Variants in RREB1 observed in about 807,000 individuals in gnomAD.
RREB1 encodes ras-responsive element-binding protein 1.
RREB1 carries 27 observed loss-of-function variants against 117.8 expected under a neutral mutation model. That is an observed-to-expected ratio of 0.23 (90% confidence interval 0.17 to 0.32). The LOEUF is 0.32. Among genes scored for constraint, RREB1 ranks in the 10% least tolerant of loss-of-function variants. The probability of loss-of-function intolerance (pLI) is 1.00; values close to 1 mark genes in which losing one functional copy is unlikely to be tolerated. For synonymous variants in RREB1, 1,298 were observed against 1,026.7 expected (o/e 1.26, Z -5.05); for missense variants, 2,577 against 2,378.2 (o/e 1.08, Z -1.74).
chr6:7,176,358 C>G (rs1385908874), intron 1 of RREB1, among the ~76,000 whole-genome samples: 2 of 152,222 alleles, frequency 1.3e-5, no homozygotes, highest in South Asian at 2.1e-4. Context: ...AAGCTCCCCC[C>G]CGGAGCCAGT....
chr6:7,181,666 G>A, intron 3 of RREB1: 1 of 607,684 alleles, frequency 1.6e-6, no homozygotes. Flanking sequence ...AAGGAGGCAA[G>A]GTTACTTCGT....
At chr6:7,188,093 C>T (rs538971997) in intron 5 of RREB1, among the ~76,000 whole-genome samples, 46 of 152,256 alleles carry the variant, frequency 3.0e-4, no homozygotes, top group African/African-American at 7.9e-4. Flanking sequence ...CACTTGAACC[C>T]GGGAGCAGAG....
intron 6 of RREB1, among the ~76,000 whole-genome samples, chr6:7,198,498 A>G (rs1033757517): frequency 6.6e-6 from 1 of 152,238 alleles, no homozygotes; most frequent in Non-Finnish European, 1.5e-5. Context: ...TAACACATTT[A>G]ACTCCACTTA....
chr6:7,164,016 C>A (rs1333045798), intron 1 of RREB1, among the ~76,000 whole-genome samples: 1 of 151,928 alleles, frequency 6.6e-6, no homozygotes, highest in Non-Finnish European at 1.5e-5. Flanking sequence ...CCTATCGGGG[C>A]TGGGTCCTGT....
chr6:7,156,700 T>A (rs1561749797), intron 1 of RREB1, among the ~76,000 whole-genome samples: 1 of 152,236 alleles, frequency 6.6e-6, no homozygotes, highest in Non-Finnish European at 1.5e-5. Flanking sequence ...GAATTGGGCA[T>A]CCGTTGGAAG....
At chr6:7,239,058 C>T (rs1244747922) in intron 10 of RREB1, among the ~76,000 whole-genome samples, 1 of 152,248 alleles carries the variant, frequency 6.6e-6, no homozygotes, top group African/African-American at 2.4e-5. Flanking sequence ...GCCCCTCTGG[C>T]TGGTCCCCAG....
rs529940820 is a variant in RREB1 at position 7,250,966 on chromosome 6, T to TTTATTA, written c.*2017_*2022dup. The stretch of plus-strand genomic sequence containing the variant: ...ACCAGTTCATACATCCCTTAGGGTT[T>TTTATTA]TTATTATTATTATTATTATTATTAC... On this transcript the variant is annotated 3_prime_UTR_variant, in exon 13 of 13. Transcript: ENST00000379938. The TTTATTA allele has an allele frequency of 1.2e-4, 18 of 151,530 alleles. No individual in the cohort carries two copies. In the South Asian group the frequency reaches 1.7e-3, roughly 14 times the overall value. The allele number at this position is 151,530 out of a possible 1,614,324, so 9.4% of individuals were successfully genotyped here.
rs1020556785 is a variant in RREB1, at chr6:7,131,021, C to T, written c.-285+22961C>T. ...TGGCGCGATCTCGGCTCACTGCAAG[C>T]TCCGCCTCTCGGGTTCACACCATTC... On this transcript the variant is annotated intron_variant, in intron 1 of 12. Coordinates refer to ENST00000379938, the MANE Select transcript of RREB1 (RefSeq NM_001003699.4). Among the ~76,000 whole-genome samples, 3 of 145,494 alleles carry T rather than the reference C, an allele frequency of 2.1e-5. No homozygotes were observed. The Admixed American group carries it at 2.1e-4, about 10-fold the overall frequency.
At chr6:7,217,832 T>C (rs933612575) in intron 8 of RREB1, 2 of 152,228 alleles carry the variant, frequency 1.3e-5, no homozygotes, top group African/African-American at 4.8e-5. Flanking sequence ...TGTGGCACTC[T>C]ATGGCTATCC....
At chr6:7,135,440 G>C (rs186018073) in intron 1 of RREB1, among the ~76,000 whole-genome samples, 1 of 152,290 alleles carries the variant, frequency 6.6e-6, no homozygotes, top group Admixed American at 6.5e-5. Context: ...AGACCTTTCT[G>C]AAAAACCTGA....
chr6:7,205,634 C>G (rs765024610), intron 6 of RREB1, among the ~76,000 whole-genome samples: 2 of 152,160 alleles, frequency 1.3e-5, no homozygotes, highest in African/African-American at 4.8e-5. Flanking sequence ...CAGAAAGTTC[C>G]TGTATTTGGA....
At chr6:7,233,182 C>T (rs1453285542) in intron 10 of RREB1, among the ~76,000 whole-genome samples, 1 of 152,236 alleles carries the variant, frequency 6.6e-6, no homozygotes, top group Non-Finnish European at 1.5e-5. Context: ...AGGCGTGAGT[C>T]ACTGCACCTG....
intron 1 of RREB1, among the ~76,000 whole-genome samples, chr6:7,115,309 A>G (rs1034569602): frequency 6.6e-6 from 1 of 151,922 alleles, no homozygotes; most frequent in Admixed American, 6.6e-5. Context: ...GTCAGGAGTG[A>G]TCTTTTAGCC....
rs1764835718 is a variant in RREB1 at position 7,182,038 on chromosome 6, C to T, written c.127C>T (p.Pro43Ser). The change falls in exon 4 of 13, where the codon CCC becomes TCC. Residue 43 changes from proline to serine, a missense_variant. Coordinates refer to ENST00000379938, the MANE Select transcript of RREB1 (RefSeq NM_001003699.4). The part of the protein sequence containing the change: ...NGGSPQGIKS[P>S]SKPPGPNRIG... ...CGGGAGCCCCCAGGGGATCAAGTCC[C>T]CCTCGAAGCCTCCAGGACCAAATCG... 1 of 1,614,184 alleles carries T rather than the reference C, an allele frequency of 6.2e-7. No individual in the cohort carries two copies. The highest frequency in any genetic ancestry group is 1.7e-5 in the Admixed American group (1 of 60,028).
intron 1 of RREB1, among the ~76,000 whole-genome samples, chr6:7,135,988 A>G (rs1352354955): frequency 6.6e-6 from 1 of 152,134 alleles, no homozygotes; most frequent in Non-Finnish European, 1.5e-5. Context: ...AAGTCAGCTG[A>G]CCTCAATTAA....
chr6:7,212,110 C>T (rs559925291), intron 8 of RREB1: 9 of 227,522 alleles, frequency 4.0e-5, no homozygotes, highest in South Asian at 1.9e-4. Context: ...GTGTTGGATA[C>T]CCCTGGCACA....
At chr6:7,163,482 C>T (rs1763765215) in intron 1 of RREB1, among the ~76,000 whole-genome samples, 1 of 152,142 alleles carries the variant, frequency 6.6e-6, no homozygotes, top group Admixed American at 6.5e-5. Context: ...AGCTCTACCT[C>T]CTGGGTTCAC....
chr6:7,224,861 C>T (rs1412298000), intron 8 of RREB1, among the ~76,000 whole-genome samples: 1 of 152,154 alleles, frequency 6.6e-6, no homozygotes, highest in Non-Finnish European at 1.5e-5. Flanking sequence ...TTTTGAGTGG[C>T]TCATGGGAAC....
chr6:7,231,928 C>A, intron 10 of RREB1, 21 bp downstream of exon 10: 1 of 1,559,172 alleles, frequency 6.4e-7, no homozygotes, highest in South Asian at 1.2e-5. Context: ...CACCGGGCTC[C>A]CAGGCAGTGA....
Sources: gnomAD v4.1 joint callset for allele counts (sites outside exome capture counted in the v4.1 genomes callset) on GRCh38, gnomAD v4.1.1 for gene constraint, MANE v1.5 for transcripts, NCBI Gene and HGNC (gene_info 2026-07-23, HGNC 2026-07-21) for gene names.